Variants in KCNB2 observed in about 807,000 individuals in gnomAD.
The protein encoded by KCNB2 is potassium voltage-gated channel subfamily B member 2.
KCNB2 carries 15 observed loss-of-function variants against 61.5 expected under a neutral mutation model. The observed-to-expected ratio is 0.24, with a 90% CI of 0.16 to 0.38. The LOEUF (loss-of-function observed/expected upper bound fraction) is 0.38. KCNB2 is among the 10% of genes least tolerant of loss of function. The pLI, the probability that KCNB2 is intolerant of heterozygous loss-of-function variation, is 1.00. For missense variants in KCNB2, 828 were observed against 1,125.2 expected, an observed-to-expected ratio of 0.74 and a Z score of 3.78; for synonymous variants, 457 against 446.0, an observed-to-expected ratio of 1.02 and a Z score of -0.31.
intron 1 of KCNB2, among the ~76,000 whole-genome samples, chr8:72,562,812 T>C (rs1585753356): frequency 1.3e-5 from 2 of 152,316 alleles, no homozygotes; most frequent in Admixed American, 1.3e-4. Context: ...AATTCACTTA[T>C]GAAAGTATAT....
intron 2 of KCNB2, among the ~76,000 whole-genome samples, chr8:72,634,549 A>G (rs1386849055): frequency 1.3e-5 from 2 of 152,178 alleles, no homozygotes; most frequent in East Asian, 1.9e-4. Context: ...CACACCAACT[A>G]TTGTATCTAC....
At chr8:72,728,711 G>A (rs1325269342) in intron 2 of KCNB2, among the ~76,000 whole-genome samples, 1 of 152,104 alleles carries the variant, frequency 6.6e-6, no homozygotes, top group Non-Finnish European at 1.5e-5. Flanking sequence ...AAGGGAGAGG[G>A]GAGGGAAAGT....
At position 72,537,790 on chromosome 8, in the gene KCNB2, CGCGGGGAGAGGCTCCCCGGAGGGA is replaced by C. The variant is rs2128976145; in HGVS notation, c.-181_-158del. ...ACAGGTCATTGGCGAAGGGGATCGT[CGCGGGGAGAGGCTCCCCGGAGGGA>C]GCGGGGAATCCCACAGCCCTTTGTG... On this transcript the variant is annotated 5_prime_UTR_variant, in exon 1 of 3. Transcript: ENST00000523207. 1 of 152,252 alleles carries C rather than the reference CGCGGGGAGAGGCTCCCCGGAGGGA, an allele frequency of 6.6e-6. No individual in the cohort carries two copies. The highest frequency in any genetic ancestry group is 2.1e-4 in the South Asian group (1 of 4,826). The allele number at this position is 152,252 out of a possible 1,614,324, so 9.4% of individuals were successfully genotyped here. A position where few individuals can be genotyped will look rare whatever the true frequency, so the allele number is the denominator to read the frequency against.
At chr8:72,862,576 G>T (rs1805436526) in intron 2 of KCNB2, among the ~76,000 whole-genome samples, 1 of 152,064 alleles carries the variant, frequency 6.6e-6, no homozygotes, top group African/African-American at 2.4e-5. Context: ...GTAAATCTAG[G>T]TCATTGGATT....
At chr8:72,593,315 C>T (rs1472250938) in intron 2 of KCNB2, among the ~76,000 whole-genome samples, 1 of 152,140 alleles carries the variant, frequency 6.6e-6, no homozygotes, top group Non-Finnish European at 1.5e-5. Context: ...TTAAATTCTT[C>T]AAGTCCTTAA....
At chr8:72,664,297 G>A (rs969706409) in intron 2 of KCNB2, among the ~76,000 whole-genome samples, 8 of 152,230 alleles carry the variant, frequency 5.3e-5, no homozygotes, top group Non-Finnish European at 1.2e-4. Context: ...TAAAGTGTCA[G>A]CGTCTGAAGA....
At chr8:72,591,895 A>G (rs2128981487) in intron 2 of KCNB2, among the ~76,000 whole-genome samples, 1 of 152,286 alleles carries the variant, frequency 6.6e-6, no homozygotes, top group Admixed American at 6.5e-5. Flanking sequence ...GAATTATAAG[A>G]ATAGTATCAC....
intron 2 of KCNB2, among the ~76,000 whole-genome samples, chr8:72,623,857 G>T (rs1416016114): frequency 6.6e-6 from 1 of 152,188 alleles, no homozygotes; most frequent in Non-Finnish European, 1.5e-5. Context: ...CAGACCCACT[G>T]AGGCTGGCCC....
intron 2 of KCNB2, among the ~76,000 whole-genome samples, chr8:72,654,370 TGAAA>T (rs1806258232): frequency 6.6e-6 from 1 of 152,192 alleles, no homozygotes; most frequent in Admixed American, 6.6e-5. Context: ...GATGTAAAGA[TGAAA>T]GAGTGACAGC....
intron 2 of KCNB2, among the ~76,000 whole-genome samples, chr8:72,910,045 T>C (rs189769205): frequency 1.3e-5 from 2 of 152,328 alleles, no homozygotes; most frequent in East Asian, 3.9e-4. Flanking sequence ...TGTTGGCATA[T>C]ACAACAGTCA....
intron 2 of KCNB2, among the ~76,000 whole-genome samples, chr8:72,860,764 A>G (rs1810286776): frequency 6.6e-6 from 1 of 152,238 alleles, no homozygotes; most frequent in Non-Finnish European, 1.5e-5. Flanking sequence ...CTATATTTAA[A>G]TGGTCACAAG....
At chr8:72,637,693 T>TCCCTTCCA (rs1410961642) in intron 2 of KCNB2, among the ~76,000 whole-genome samples, 1 of 152,138 alleles carries the variant, frequency 6.6e-6, no homozygotes, top group Non-Finnish European at 1.5e-5. Context: ...TTCTCTCATA[T>TCCCTTCCA]CCCTTCCATG....
At chr8:72,756,849 C>T (rs772831145) in intron 2 of KCNB2, among the ~76,000 whole-genome samples, 8 of 152,050 alleles carry the variant, frequency 5.3e-5, no homozygotes, top group Non-Finnish European at 8.8e-5. Flanking sequence ...AAAGAGGGGT[C>T]TAGAGGAGGC....
At chr8:72,797,132 T>A (rs1809044790) in intron 2 of KCNB2, among the ~76,000 whole-genome samples, 2 of 152,228 alleles carry the variant, frequency 1.3e-5, no homozygotes, top group African/African-American at 4.8e-5. Flanking sequence ...TCTACTGGGC[T>A]CCTTATTTTA....
intron 2 of KCNB2, among the ~76,000 whole-genome samples, chr8:72,906,247 T>C (rs1324715234): frequency 6.6e-6 from 1 of 152,138 alleles, no homozygotes; most frequent in Non-Finnish European, 1.5e-5. Flanking sequence ...TTTCTGATGG[T>C]TTAATTTATT....
In KCNB2 at chr8:72,567,951, C is replaced by G; in HGVS notation, c.217C>G (p.Leu73Val). Residue 73 changes from leucine (L) to valine (V), a missense_variant, in exon 2 of 3, where the codon CTC becomes GTC. This residue lies in a region of KCNB2 where 163 missense variants were observed against 314.4 expected (regional missense o/e 0.52). Coordinates refer to ENST00000523207, the MANE Select transcript of KCNB2 (RefSeq NM_004770.3). ...TCGAGACTGCAACACACACGAGAGC[C>G]TCCTGGAAGTGTGCGACGACTATAA... ...KLRDCNTHESLLEVCDDYNLN... is the reference protein window; with the variant it reads ...KLRDCNTHESVLEVCDDYNLN... 6.2e-7 allele frequency: 1 copy of G among 1,613,904 alleles called. No homozygotes were observed. Among genetic ancestry groups the G allele is most frequent in the Non-Finnish European group, 8.5e-7 (1 of 1,179,912 alleles).
intron 1 of KCNB2, among the ~76,000 whole-genome samples, chr8:72,543,415 T>C (rs60874763): frequency 0.075 from 11,417 of 152,236 alleles, 932 homozygotes; most frequent in African/African-American, 0.2. Flanking sequence ...TAATATTCAA[T>C]TGAATATTGG....
intron 2 of KCNB2, among the ~76,000 whole-genome samples, chr8:72,671,864 A>G (rs1337997506): frequency 1.3e-5 from 2 of 152,190 alleles, no homozygotes; most frequent in Non-Finnish European, 2.9e-5. Flanking sequence ...AGAATAAGAT[A>G]GTGCTGAGTT....
chr8:72,556,604 A>C (rs1440443385), intron 1 of KCNB2, among the ~76,000 whole-genome samples: 1 of 152,186 alleles, frequency 6.6e-6, no homozygotes, highest in Non-Finnish European at 1.5e-5. Context: ...AAAATCAAGC[A>C]TACAATCGAT....
Sources: allele counts gnomAD v4.1 joint callset (sites outside exome capture counted in the v4.1 genomes callset), GRCh38; gene constraint gnomAD v4.1.1; regional missense constraint gnomAD v4.1.1; transcripts MANE v1.5; gene names NCBI Gene and HGNC (gene_info 2026-07-23, HGNC 2026-07-21).